The following ZNF385D variants were observed in gnomAD, a reference collection of about 807,000 sequenced individuals.
ZNF385D encodes the protein zinc finger protein 385D, also known as zinc finger protein 659.
Under a neutral mutation model 35.8 loss-of-function variants are expected in ZNF385D, and 15 were observed. That is an observed-to-expected ratio of 0.42 (90% CI 0.28 to 0.64). ZNF385D has a LOEUF of 0.64. ZNF385D is among the 30% of genes least tolerant of loss of function. ZNF385D has a pLI of 0.23. For synonymous variants in ZNF385D, 212 were observed against 186.8 expected (o/e 1.13, Z -1.10); for missense variants, 474 against 494.6 (o/e 0.96, Z 0.39).
At chr3:21,499,536 C>T (rs1351257986) in intron 4 of ZNF385D, among the ~76,000 whole-genome samples, 3 of 151,794 alleles carry the variant, frequency 2.0e-5, no homozygotes, top group Non-Finnish European at 2.9e-5. Flanking sequence ...GTACTATGCT[C>T]ATTACCTAGG....
intron 2 of ZNF385D, among the ~76,000 whole-genome samples, chr3:22,200,357 G>A (rs1006344801): frequency 2.6e-5 from 4 of 152,028 alleles, no homozygotes; most frequent in African/African-American, 9.7e-5. Flanking sequence ...GACATCACAT[G>A]TCGGTAGGTT....
At chr3:21,459,878 C>CCCTCATGTTACTGGG (rs200781403) in intron 4 of ZNF385D, among the ~76,000 whole-genome samples, 3,187 of 152,234 alleles carry the variant, frequency 0.021, 108 homozygotes, top group African/African-American at 0.073. Context: ...TAGAACCCAG[C>CCCTCATGTTACTGGG]CCTCTACTCT....
intron 3 of ZNF385D, among the ~76,000 whole-genome samples, chr3:21,990,216 G>A (rs1233187632): frequency 6.6e-6 from 1 of 152,192 alleles, no homozygotes; most frequent in Non-Finnish European, 1.5e-5. Flanking sequence ...AGATTTGCCA[G>A]TGCAATTGCA....
chr3:21,757,634 G>T (rs114923396), intron 3 of ZNF385D, among the ~76,000 whole-genome samples: 161 of 152,212 alleles, frequency 1.1e-3, no homozygotes, highest in African/African-American at 3.7e-3. Context: ...GGCGCTAAAG[G>T]TATATTAATG....
At chr3:22,120,703 G>A (rs1226796034) in intron 3 of ZNF385D, among the ~76,000 whole-genome samples, 2 of 152,058 alleles carry the variant, frequency 1.3e-5, no homozygotes, top group Non-Finnish European at 2.9e-5. Flanking sequence ...ATACAATCTA[G>A]CTTATAGTGC....
intron 2 of ZNF385D, among the ~76,000 whole-genome samples, chr3:22,243,120 T>C (rs1699585124): frequency 1.3e-5 from 2 of 150,638 alleles, no homozygotes; most frequent in African/African-American, 4.9e-5. Flanking sequence ...TATTTGCAAA[T>C]CATATATGTG....
intron 2 of ZNF385D, among the ~76,000 whole-genome samples, chr3:22,292,613 G>C (rs1005524627): frequency 6.6e-6 from 1 of 151,956 alleles, no homozygotes; most frequent in Non-Finnish European, 1.5e-5. Flanking sequence ...TCTTTCACAC[G>C]GCTAATTTAA....
Position 22,192,139 on chromosome 3 carries a change from T to C in ZNF385D, c.107-23104A>G, listed in dbSNP as rs527882151. ...GGGTTTAGAAACATGGCCCCAAGAC[T>C]AACAGATTGCAGTAACTTAGTCCAA... On this transcript the variant is annotated intron_variant, in intron 2 of 5. Coordinates refer to the ZNF385D transcript ENST00000494108. 3.3e-5 allele frequency among the ~76,000 whole-genome samples: 5 copies of C among 152,240 alleles called. No individual in the cohort carries two copies. In the East Asian group the frequency reaches 9.7e-4, roughly 29 times the overall value.
intron 1 of ZNF385D, among the ~76,000 whole-genome samples, chr3:21,672,606 T>C (rs60307599): frequency 0.014 from 2,132 of 152,280 alleles, 57 homozygotes; most frequent in African/African-American, 0.048. Flanking sequence ...ATTCGATCTT[T>C]TCCCATGAAG....
At chr3:21,716,908 G>A (rs1475863388) in intron 1 of ZNF385D, among the ~76,000 whole-genome samples, 1 of 152,046 alleles carries the variant, frequency 6.6e-6, no homozygotes, top group East Asian at 1.9e-4. Flanking sequence ...TGGATCACAA[G>A]GTCAAGAGAT....
At chr3:21,742,630 G>A (rs7635734) in intron 1 of ZNF385D, among the ~76,000 whole-genome samples, 6,694 of 152,262 alleles carry the variant, frequency 0.044, 300 homozygotes, top group African/African-American at 0.11. Flanking sequence ...GTATTTTTCT[G>A]TCTCTCTCTG....
chr3:22,262,414 C>T (rs1174952324), intron 2 of ZNF385D, among the ~76,000 whole-genome samples: 3 of 151,606 alleles, frequency 2.0e-5, no homozygotes, highest in African/African-American at 7.3e-5. Flanking sequence ...CATGGTAAAC[C>T]CAATCATTGA....
chr3:22,332,493 A>G (rs1005652848), intron 2 of ZNF385D, among the ~76,000 whole-genome samples: 1 of 152,216 alleles, frequency 6.6e-6, no homozygotes, highest in Non-Finnish European at 1.5e-5. Flanking sequence ...TTATGAGTAG[A>G]AAGTAATCAG....
intron 2 of ZNF385D, among the ~76,000 whole-genome samples, chr3:21,643,697 G>C (rs2065671139): frequency 6.6e-6 from 1 of 152,072 alleles, no homozygotes; most frequent in Non-Finnish European, 1.5e-5. Context: ...TGGGAGGAAT[G>C]ACTGAATATA....
intron 3 of ZNF385D, among the ~76,000 whole-genome samples, chr3:22,039,325 C>T (rs973258153): frequency 1.3e-5 from 2 of 151,420 alleles, no homozygotes; most frequent in South Asian, 2.1e-4. Flanking sequence ...ATGCTATTCC[C>T]AGAAAATGTC....
At chr3:21,741,906 G>C (rs2069533643) in intron 1 of ZNF385D, among the ~76,000 whole-genome samples, 1 of 152,114 alleles carries the variant, frequency 6.6e-6, no homozygotes, top group Admixed American at 6.6e-5. Flanking sequence ...AAATGACAAA[G>C]AATAGATTAG....
In ZNF385D at chr3:22,059,902, T is replaced by A. The variant is rs1487030999; in HGVS notation, c.325+108915A>T. Among the ~76,000 whole-genome samples, 4 of 152,302 alleles carry A rather than the reference T, an allele frequency of 2.6e-5. 1 individual carries two copies. In the East Asian group the frequency reaches 7.7e-4, roughly 29 times the overall value. ...GTAGACTGAATAAAGAAGATCCACC[T>A]TCACCAATGTGGGCAGGCATCATCT... On this transcript the variant is annotated intron_variant, in intron 3 of 5. Transcript: ENST00000494108.
At chr3:22,120,752 A>G (rs1408497793) in intron 3 of ZNF385D, among the ~76,000 whole-genome samples, 1 of 152,168 alleles carries the variant, frequency 6.6e-6, no homozygotes, top group Admixed American at 6.6e-5. Context: ...AAAAACCTCT[A>G]TGAGGCAGTT....
At chr3:22,136,559 T>C (rs551922954) in intron 3 of ZNF385D, among the ~76,000 whole-genome samples, 1 of 152,098 alleles carries the variant, frequency 6.6e-6, no homozygotes, top group South Asian at 2.1e-4. Context: ...AAATCAATAA[T>C]AAGGGTAGGA....
Sources: gnomAD v4.1 joint callset for allele counts (sites outside exome capture counted in the v4.1 genomes callset) on GRCh38, gnomAD v4.1.1 for gene constraint, MANE v1.5 for transcripts, NCBI Gene and HGNC (gene_info 2026-07-23, HGNC 2026-07-21) for gene names.